The following ADAMTS2 variants were observed in gnomAD, a reference collection of about 807,000 sequenced individuals.
The protein encoded by ADAMTS2 is ADAM metallopeptidase with thrombospondin type 1 motif 2.
A neutral mutation model predicts 123.0 loss-of-function variants in ADAMTS2; 50 were observed. The observed-to-expected ratio is 0.41, with a 90% CI of 0.32 to 0.51. The LOEUF (loss-of-function observed/expected upper bound fraction) is 0.51, where lower values mean the gene tolerates loss of function less well. Ranked by LOEUF, ADAMTS2 falls within the 20% of genes least tolerant of loss-of-function variation. The pLI, the probability that ADAMTS2 is intolerant of heterozygous loss-of-function variation, is 0.35. For missense variants in ADAMTS2, 1,494 were observed against 1,705.2 expected (o/e 0.88, Z 2.18); for synonymous variants, 678 against 695.4 (o/e 0.98, Z 0.39).
chr5:179,131,967 G>A (rs967235994), intron 15 of ADAMTS2, among the ~76,000 whole-genome samples: 2 of 152,196 alleles, frequency 1.3e-5, no homozygotes, highest in Admixed American at 6.5e-5. Context: ...TAGACTGAGG[G>A]ACACATGTTT....
intron 3 of ADAMTS2, among the ~76,000 whole-genome samples, chr5:179,253,645 CAA>C (rs373290836): frequency 0.014 from 1,887 of 138,536 alleles, 28 homozygotes; most frequent in African/African-American, 0.039. Context: ...GACTCCATCT[CAA>C]AAAAAAAAAA....
chr5:179,127,822 G>T, intron 17 of ADAMTS2, 137 bp downstream of exon 17: 3 of 1,089,800 alleles, frequency 2.8e-6, no homozygotes, highest in Non-Finnish European at 4.0e-6. Flanking sequence ...TTGCCGCTAA[G>T]CCCTTGCCCA....
chr5:179,113,544 A>C lies in ADAMTS2; in HGVS notation c.*323T>G. 3 of 380,498 alleles carry C rather than the reference A, an allele frequency of 7.9e-6. No individual in the cohort carries two copies. Among genetic ancestry groups the C allele is most frequent in the Non-Finnish European group, 1.5e-5 (3 of 204,500 alleles). The allele number at this position is 380,498 out of a possible 1,614,324, so 23.6% of individuals were successfully genotyped here. A position where few individuals can be genotyped will look rare whatever the true frequency, so the allele number is the denominator to read the frequency against. On this transcript the variant is annotated 3_prime_UTR_variant, in exon 22 of 22. Coordinates refer to ENST00000251582, the MANE Select transcript of ADAMTS2 (RefSeq NM_014244.5). The stretch of plus-strand genomic sequence containing the variant: ...GAAGGTTCCCAATCACTGCTTAGCA[A>C]CTTGGGGCCTATTTTTGTTCTCTCA...
chr5:179,142,316 A>G (rs1386652132), intron 10 of ADAMTS2, among the ~76,000 whole-genome samples: 1 of 152,168 alleles, frequency 6.6e-6, no homozygotes, highest in Non-Finnish European at 1.5e-5. Context: ...TTGGAACCAG[A>G]AGTGTTTCGG....
At chr5:179,120,688 A>C (rs931905314) in intron 21 of ADAMTS2, 2 of 152,134 alleles carry the variant, frequency 1.3e-5, no homozygotes, top group African/African-American at 4.8e-5. Context: ...TCCATGCAAC[A>C]GTCAGCGCCG....
rs1478695268 is a variant in ADAMTS2 at position 179,272,235 on chromosome 5, A to C, written c.688+676T>G. Among the ~76,000 whole-genome samples the C allele has an allele frequency of 1.3e-5, 2 of 152,214 alleles. No individual in the cohort carries two copies. Among genetic ancestry groups the C allele is most frequent in the Admixed American group, 6.5e-5 (1 of 15,288 alleles). On this transcript the variant is annotated intron_variant, in intron 3 of 21. Coordinates refer to ENST00000251582, the MANE Select transcript of ADAMTS2 (RefSeq NM_014244.5). This position sits in a 1 kb window ranked among gnomAD's most constrained non-coding sequence, Gnocchi z 5.8. Reference sequence around the variant, plus strand: ...TCTGAGGCGACAGTCATGGACTGTCACCATGGCCGCCTGGCAGCTCCTTTC... The same window carrying C: ...TCTGAGGCGACAGTCATGGACTGTCCCCATGGCCGCCTGGCAGCTCCTTTC...
chr5:179,327,986 G>C (rs1757358525), intron 2 of ADAMTS2, among the ~76,000 whole-genome samples: 1 of 152,188 alleles, frequency 6.6e-6, no homozygotes, highest in South Asian at 2.1e-4. Flanking sequence ...TCATATATCT[G>C]GGAACGCAAA....
At chr5:179,341,606 G>T (rs1281503504) in intron 2 of ADAMTS2, among the ~76,000 whole-genome samples, 2 of 151,964 alleles carry the variant, frequency 1.3e-5, no homozygotes, top group Non-Finnish European at 2.9e-5. Context: ...CCTGCTACTT[G>T]GGAGGCTGAG....
chr5:179,122,814 C>G (rs1762787963), intron 19 of ADAMTS2, 41 bp from the exon 20 acceptor site: 2 of 1,550,732 alleles, frequency 1.3e-6, no homozygotes, highest in African/African-American at 1.4e-5. Flanking sequence ...ACCTCCCACA[C>G]AGGGCCCGCA....
At chr5:179,258,887 C>T (rs984936200) in intron 3 of ADAMTS2, among the ~76,000 whole-genome samples, 4 of 152,178 alleles carry the variant, frequency 2.6e-5, no homozygotes, top group African/African-American at 7.2e-5. Context: ...AACCTGTGGA[C>T]TGCCTACCAG....
Position 179,318,691 on chromosome 5 carries a change from C to T in ADAMTS2, c.534+25076G>A, listed in dbSNP as rs1051593243. ...AGGACAGCTCCTTCTCAGACCAGGG[C>T]AGGTGGGGCAATGCCAAGGCCCCCT... On this transcript the variant is annotated intron_variant, in intron 2 of 21. Coordinates refer to ENST00000251582, the MANE Select transcript of ADAMTS2 (RefSeq NM_014244.5). 3.9e-5 allele frequency among the ~76,000 whole-genome samples: 6 copies of T among 152,152 alleles called. No homozygotes were observed. In the East Asian group the frequency reaches 1.2e-3, roughly 29 times the overall value.
chr5:179,246,208 C>A (rs1716007848), intron 3 of ADAMTS2, among the ~76,000 whole-genome samples: 2 of 152,014 alleles, frequency 1.3e-5, no homozygotes, highest in South Asian at 4.2e-4. Flanking sequence ...ACCTACACAT[C>A]CAAGGAGCTC....
At chr5:179,140,902 C>T (rs1275274136) in intron 10 of ADAMTS2, among the ~76,000 whole-genome samples, 3 of 147,996 alleles carry the variant, frequency 2.0e-5, no homozygotes, top group Non-Finnish European at 4.4e-5. Context: ...TGGGTTCAAG[C>T]GATTCTCTTG....
intron 2 of ADAMTS2, among the ~76,000 whole-genome samples, chr5:179,310,171 C>T (rs895582795): frequency 3.3e-5 from 5 of 152,242 alleles, no homozygotes; most frequent in African/African-American, 7.2e-5. Context: ...GTCCCCACAG[C>T]GCTCAGGCGC....
chr5:179,291,841 A>T (rs1264780798), intron 2 of ADAMTS2, among the ~76,000 whole-genome samples: 1 of 151,564 alleles, frequency 6.6e-6, no homozygotes, highest in Non-Finnish European at 1.5e-5. Flanking sequence ...GGCTCAAGTG[A>T]TCCTCCCAAC....
chr5:179,255,888 G>A (rs530368503), intron 3 of ADAMTS2, among the ~76,000 whole-genome samples: 5 of 152,138 alleles, frequency 3.3e-5, no homozygotes, highest in African/African-American at 4.8e-5. Context: ...GACACAATTC[G>A]GGCACTGTGA....
chr5:179,286,421 A>C (rs1005297270), intron 2 of ADAMTS2, among the ~76,000 whole-genome samples: 5 of 152,062 alleles, frequency 3.3e-5, no homozygotes, highest in African/African-American at 9.7e-5. Flanking sequence ...TCCCAGAGAC[A>C]GAGCCGGCAC....
chr5:179,202,405 G>T lies in ADAMTS2; in HGVS notation c.891+5108C>A, dbSNP rs531445129. ...TGCACCAGCCCCTGAGCTGTAGAAA[G>T]TGGCCTGCCTTCCCCTACCCTTCTT... On this transcript the variant is annotated intron_variant, in intron 4 of 21. Coordinates refer to ENST00000251582, the MANE Select transcript of ADAMTS2 (RefSeq NM_014244.5). The surrounding 1 kb of genome is among the most constrained non-coding windows in gnomAD (Gnocchi z 4.0). 6.6e-6 allele frequency among the ~76,000 whole-genome samples: 1 copy of T among 152,286 alleles called. No homozygotes were observed. Among genetic ancestry groups the T allele is most frequent in the South Asian group, 2.1e-4 (1 of 4,828 alleles).
At chr5:179,281,385 C>T (rs184480817) in intron 2 of ADAMTS2, among the ~76,000 whole-genome samples, 2 of 152,372 alleles carry the variant, frequency 1.3e-5, no homozygotes, top group Admixed American at 6.5e-5. Context: ...CACTAATCTA[C>T]ATTCTGTCTC....
Sources: gnomAD v4.1 joint callset for allele counts (sites outside exome capture counted in the v4.1 genomes callset) on GRCh38, gnomAD v4.1.1 for gene constraint, Gnocchi (gnomAD v3.1) non-coding constraint, MANE v1.5 for transcripts, NCBI Gene and HGNC (gene_info 2026-07-23, HGNC 2026-07-21) for gene names.